KIF6: variants seen among roughly 807,000 people sequenced by gnomAD.
KIF6 encodes kinesin family member 6, also known as kinesin-like protein KIF6.
A neutral mutation model predicts 112.7 loss-of-function variants in KIF6; 106 were observed. The ratio of observed to expected loss-of-function variants is 0.94; its 90% CI spans 0.80 to 1.11. The LOEUF (loss-of-function observed/expected upper bound fraction) is 1.11. Among genes scored for constraint, KIF6 ranks in the 50% least tolerant of loss-of-function variants. KIF6 has a pLI of 0.00. For missense variants in KIF6, 929 were observed against 964.0 expected (o/e 0.96, Z 0.48); for synonymous variants, 339 against 339.9 (o/e 1.00, Z 0.03).
At chr6:39,488,428 C>A (rs958573021) in intron 13 of KIF6, among the ~76,000 whole-genome samples, 2 of 152,198 alleles carry the variant, frequency 1.3e-5, no homozygotes, top group African/African-American at 2.4e-5. Flanking sequence ...CTTTGCCCCA[C>A]TGGTTGTCTG....
chr6:39,340,854 G>C (rs1763289164), intron 22 of KIF6, among the ~76,000 whole-genome samples: 1 of 152,042 alleles, frequency 6.6e-6, no homozygotes, highest in Admixed American at 6.6e-5. Context: ...CTTGCTTGTA[G>C]GCTTCTTGAG....
intron 6 of KIF6, among the ~76,000 whole-genome samples, chr6:39,601,711 GACACACAC>G (rs10532285): frequency 0.09 from 13,331 of 147,428 alleles, 1,007 homozygotes; most frequent in East Asian, 0.27. Context: ...ATTTCTTTGG[GACACACAC>G]ACACACACAC....
intron 3 of KIF6, among the ~76,000 whole-genome samples, chr6:39,710,721 T>C (rs999648338): frequency 1.3e-5 from 2 of 152,060 alleles, no homozygotes; most frequent in African/African-American, 4.8e-5. Flanking sequence ...AATGGGAAGT[T>C]GTAATATTTG....
intron 7 of KIF6, among the ~76,000 whole-genome samples, chr6:39,586,701 A>T (rs1781658132): frequency 6.6e-6 from 1 of 152,200 alleles, no homozygotes; most frequent in Admixed American, 6.5e-5. Context: ...CGATTGGAAA[A>T]TTTGTATGAA....
Position 39,720,830 on chromosome 6 carries a change from C to T in KIF6, c.67-19G>A, listed in dbSNP as rs777559399. The T allele has an allele frequency of 3.3e-5, 34 of 1,045,676 alleles. No individual in the cohort carries two copies. Among genetic ancestry groups the T allele is most frequent in the Non-Finnish European group, 5.1e-5 (34 of 662,560 alleles). 64.8% of individuals were successfully genotyped at this position (1,045,676 alleles called of 1,614,324 possible). ...AATAAATCTGCAAATGTGAAGACAA[C>T]AAATGGATATAAAATGGTGAAATTA... On this transcript the variant is annotated intron_variant, in intron 1 of 22. Coordinates refer to ENST00000287152, the MANE Select transcript of KIF6 (RefSeq NM_145027.6).
intron 7 of KIF6, among the ~76,000 whole-genome samples, chr6:39,587,642 T>C (rs1424672365): frequency 6.6e-6 from 1 of 152,052 alleles, no homozygotes; most frequent in Non-Finnish European, 1.5e-5. Context: ...ACACTTCTAC[T>C]AGATATGATA....
At chr6:39,674,890 A>G (rs967457206) in intron 3 of KIF6, among the ~76,000 whole-genome samples, 1 of 151,306 alleles carries the variant, frequency 6.6e-6, no homozygotes, top group African/African-American at 2.4e-5. Context: ...TTTAAAAAGT[A>G]ACAGGGATCA....
At chr6:39,445,504 T>C (rs1235979486) in intron 13 of KIF6, among the ~76,000 whole-genome samples, 1 of 152,134 alleles carries the variant, frequency 6.6e-6, no homozygotes, top group Non-Finnish European at 1.5e-5. Context: ...CTATGGTTAG[T>C]TGGAGATAAG....
rs1782961189 is a variant in KIF6 at position 39,607,578 on chromosome 6, C to T, written c.639+5611G>A. 3.3e-5 allele frequency among the ~76,000 whole-genome samples: 5 copies of T among 150,526 alleles called. No individual in the cohort carries two copies. The South Asian group carries it at 6.5e-4, about 19-fold the overall frequency. On this transcript the variant is annotated intron_variant, in intron 6 of 22. Transcript: ENST00000287152. ...ATCAGGGCCTAATAAGAAGAAAATGCTATTCTTATTTATTTATTTATTTAT... is the reference window on the plus strand; with the variant it reads ...ATCAGGGCCTAATAAGAAGAAAATGTTATTCTTATTTATTTATTTATTTAT...
intron 5 of KIF6, among the ~76,000 whole-genome samples, chr6:39,618,796 A>C (rs1783662868): frequency 6.6e-6 from 1 of 152,008 alleles, no homozygotes; most frequent in Non-Finnish European, 1.5e-5. Flanking sequence ...ACAAAGCTTA[A>C]CTCTTTCAAC....
At chr6:39,631,705 G>A (rs1161001990) in intron 5 of KIF6, among the ~76,000 whole-genome samples, 2 of 143,784 alleles carry the variant, frequency 1.4e-5, no homozygotes, top group Non-Finnish European at 3.0e-5. Flanking sequence ...TCAGTCTGTA[G>A]TTTTTTTTTT....
At chr6:39,717,012 C>T (rs1267583970) in intron 2 of KIF6, among the ~76,000 whole-genome samples, 2 of 152,140 alleles carry the variant, frequency 1.3e-5, no homozygotes, top group Admixed American at 1.3e-4. Context: ...CCACTGTTAC[C>T]ACCTTGGTCC....
chr6:39,570,653 G>T (rs772185926), intron 10 of KIF6, among the ~76,000 whole-genome samples: 2 of 151,940 alleles, frequency 1.3e-5, no homozygotes, highest in Admixed American at 6.6e-5. Flanking sequence ...CTGAATCATG[G>T]GGGTGTTTAC....
Position 39,360,720 on chromosome 6 carries a change from C to T in KIF6, c.1947-190G>A, listed in dbSNP as rs547926464. On this transcript the variant is annotated intron_variant, in intron 17 of 22. Transcript: ENST00000287152. ...AGGGTTTGAGTCCATCACAGAGAAG[C>T]AGACGGAGACATTTTGGTCCAGTAG... 1.4e-4 allele frequency among the ~76,000 whole-genome samples: 22 copies of T among 152,298 alleles called. No individual in the cohort carries two copies. The East Asian group carries it at 4.1e-3, about 28-fold the overall frequency.
At chr6:39,614,981 A>C (rs754846411) in intron 5 of KIF6, among the ~76,000 whole-genome samples, 3 of 152,068 alleles carry the variant, frequency 2.0e-5, no homozygotes, top group Non-Finnish European at 4.4e-5. Flanking sequence ...TTGGAAGATA[A>C]AGTAACAAAA....
At position 39,699,414 on chromosome 6, in the gene KIF6, G is replaced by A. The variant is rs577180703; in HGVS notation, c.251+15278C>T. On this transcript the variant is annotated intron_variant, in intron 3 of 22. Coordinates refer to ENST00000287152, the MANE Select transcript of KIF6 (RefSeq NM_145027.6). Reference sequence around the variant, plus strand: ...GCATTCCAGACACAGAAAACAGCCAGGGCAAGAGCCTTTAAGGCTAGAGGT... The same window carrying A: ...GCATTCCAGACACAGAAAACAGCCAAGGCAAGAGCCTTTAAGGCTAGAGGT... 2.6e-5 allele frequency among the ~76,000 whole-genome samples: 4 copies of A among 152,176 alleles called. No individual in the cohort carries two copies. The East Asian group carries it at 7.7e-4, about 29-fold the overall frequency.
chr6:39,394,804 G>A (rs1273444243), intron 15 of KIF6, among the ~76,000 whole-genome samples: 1 of 152,152 alleles, frequency 6.6e-6, no homozygotes, highest in Non-Finnish European at 1.5e-5. Context: ...CATCACAGTT[G>A]ATAACATAAT....
At chr6:39,620,707 A>G (rs1480517467) in intron 5 of KIF6, among the ~76,000 whole-genome samples, 2 of 152,106 alleles carry the variant, frequency 1.3e-5, no homozygotes, top group Non-Finnish European at 2.9e-5. Flanking sequence ...ATAAAATTAT[A>G]AATGTATGCA....
At chr6:39,402,612 C>A (rs1768790896) in intron 15 of KIF6, among the ~76,000 whole-genome samples, 1 of 152,138 alleles carries the variant, frequency 6.6e-6, no homozygotes, top group African/African-American at 2.4e-5. Context: ...GTTCCCAAGT[C>A]TTTTACAGGG....
Sources: allele counts gnomAD v4.1 joint callset (sites outside exome capture counted in the v4.1 genomes callset), GRCh38; gene constraint gnomAD v4.1.1; transcripts MANE v1.5; gene names NCBI Gene and HGNC (gene_info 2026-07-23, HGNC 2026-07-21).